The following COL3A1 variants were observed in gnomAD, a reference collection of about 807,000 sequenced individuals.
The protein encoded by COL3A1 is collagen alpha-1(III) chain.
A neutral mutation model predicts 200.9 loss-of-function variants in COL3A1; 46 were observed. The ratio of observed to expected loss-of-function variants is 0.23; its 90% CI spans 0.18 to 0.29. The LOEUF (loss-of-function observed/expected upper bound fraction) is 0.29. COL3A1 is among the 10% of genes least tolerant of loss of function. COL3A1 has a pLI of 1.00. For missense variants in COL3A1, 1,367 were observed against 1,917.6 expected (o/e 0.71, Z 5.36); for synonymous variants, 650 against 628.0 (o/e 1.03, Z -0.52).
intron 3 of COL3A1, 67 bp from the exon 4 acceptor site, chr2:188,985,598 C>A (rs1403359683): frequency 1.0e-5 from 10 of 1,004,274 alleles, no homozygotes; most frequent in African/African-American, 3.2e-5. Context: ...AGAGAAACAA[C>A]AATCTGATAA....
At chr2:188,980,280 C>T (rs577873721) in intron 1 of COL3A1, among the ~76,000 whole-genome samples, 2 of 150,974 alleles carry the variant, frequency 1.3e-5, no homozygotes, top group South Asian at 4.2e-4. Flanking sequence ...TTAAAATTTT[C>T]TAATTATCTA....
intron 48 of COL3A1, among the ~76,000 whole-genome samples, chr2:189,009,519 T>C (rs1688673260): frequency 6.6e-6 from 1 of 152,100 alleles, no homozygotes; most frequent in Non-Finnish European, 1.5e-5. Flanking sequence ...GGATTAAATA[T>C]ACATAATTTG....
At chr2:189,008,638 T>G (rs974942181) in intron 47 of COL3A1, 4 of 516,210 alleles carry the variant, frequency 7.7e-6, no homozygotes, top group African/African-American at 1.9e-5. Flanking sequence ...AGCTCACAGG[T>G]GTTTGCTTAC....
At chr2:188,989,543 A>G in intron 8 of COL3A1, 94 bp downstream of exon 8, 1 of 931,992 alleles carries the variant, frequency 1.1e-6, no homozygotes, top group South Asian at 1.5e-5. Context: ...AGAAGAAAAA[A>G]AAATGTTATT....
rs142042452 is a variant in COL3A1 at position 188,991,043 on chromosome 2, G to A, written c.838G>A (p.Ala280Thr). ...GRNGEKGETG[A>T]PGLKGENGLP... ...AAATGGAGAAAAGGGTGAAACAGGT[G>A]CTCCTGGATTAAAGGTAAATCACAA... The change falls in exon 11 of 51, where the codon GCT (alanine) becomes ACT (threonine). Residue 280 changes from alanine (A) to threonine (T), a missense_variant. Transcript: ENST00000304636. 31 of 1,613,026 alleles carry A rather than the reference G, an allele frequency of 1.9e-5. No individual in the cohort carries two copies. In the African/African-American group the frequency reaches 3.5e-4, roughly 18 times the overall value.
intron 1 of COL3A1, among the ~76,000 whole-genome samples, chr2:188,977,195 CTTAA>C (rs1687839371): frequency 1.3e-5 from 2 of 152,028 alleles, no homozygotes. Flanking sequence ...TTATTCACTG[CTTAA>C]TTGTTAGATA....
Position 189,007,956 on chromosome 2 carries a change from A to T in COL3A1, c.3417+18A>T. On this transcript the variant is annotated intron_variant, in intron 46 of 50. Transcript: ENST00000304636. ...GCCCCAGAGTAAGTAGCACAGAAAG[A>T]TATTACAGGTCCACATGTTTCAGAT... The T allele has an allele frequency of 6.2e-7, 1 of 1,614,140 alleles. No homozygotes were observed. The highest frequency in any genetic ancestry group is 1.1e-5 in the South Asian group (1 of 91,078).
At chr2:188,995,569 T>C in intron 21 of COL3A1, 123 bp from the exon 22 acceptor site, 2 of 685,944 alleles carry the variant, frequency 2.9e-6, no homozygotes, top group South Asian at 3.8e-5. Flanking sequence ...TATAAATGTT[T>C]CAGCAACACA....
At chr2:188,979,546 G>A (rs1350510757) in intron 1 of COL3A1, among the ~76,000 whole-genome samples, 1 of 151,826 alleles carries the variant, frequency 6.6e-6, no homozygotes, top group Non-Finnish European at 1.5e-5. Context: ...TGGTCTGGAT[G>A]TCATCAGGGT....
intron 11 of COL3A1, 50 bp downstream of exon 11, chr2:188,991,107 A>G: frequency 6.4e-7 from 1 of 1,554,042 alleles, no homozygotes; most frequent in Non-Finnish European, 8.9e-7. Flanking sequence ...ATTAAATATT[A>G]AAGCTACATA....
chr2:188,992,828 G>C, intron 14 of COL3A1, 59 bp from the exon 15 acceptor site: 1 of 1,328,918 alleles, frequency 7.5e-7, no homozygotes, highest in Non-Finnish European at 1.1e-6. Context: ...TTATTTACTA[G>C]TATGTCAGCT....
In COL3A1 at chr2:189,004,243, A is replaced by G. The variant is rs1688536360; in HGVS notation, c.2824-14A>G. The G allele has an allele frequency of 1.9e-6, 3 of 1,599,782 alleles. No individual in the cohort carries two copies. Among genetic ancestry groups the G allele is most frequent in the Non-Finnish European group, 2.6e-6 (3 of 1,172,790 alleles). On this transcript the variant is annotated splice_polypyrimidine_tract_variant and intron_variant, in intron 39 of 50. Coordinates refer to ENST00000304636, the MANE Select transcript of COL3A1 (RefSeq NM_000090.4). ...TCACATAAAGATGAGCTAAGTCTTC[A>G]TTATCTGTATTAGGGAGCTCCAGGC...
chr2:188,996,305 TACACACACAC>T (rs141685938), intron 23 of COL3A1, 83 bp from the exon 24 acceptor site: 4 of 634,202 alleles, frequency 6.3e-6, no homozygotes, highest in African/African-American at 4.0e-5. Flanking sequence ...TCTATATATA[TACACACACAC>T]ACACACACAC....
At chr2:189,008,900 T>C in intron 47 of COL3A1, 24 bp from the exon 48 acceptor site, 1 of 1,611,942 alleles carries the variant, frequency 6.2e-7, no homozygotes, top group South Asian at 1.1e-5. Context: ...CATACCTCAA[T>C]GATCCATGTT....
At chr2:189,002,898 A>T in intron 35 of COL3A1, 57 bp from the exon 36 acceptor site, 1 of 1,231,752 alleles carries the variant, frequency 8.1e-7, no homozygotes, top group South Asian at 1.3e-5. Context: ...AATAATAATA[A>T]GCCAATTGTA....
intron 27 of COL3A1, among the ~76,000 whole-genome samples, chr2:188,998,003 T>C (rs1206136871): frequency 6.6e-6 from 1 of 152,188 alleles, no homozygotes; most frequent in African/African-American, 2.4e-5. Context: ...ATAACATAAA[T>C]CCATATAGCC....
chr2:189,005,231 A>T (rs1688559486), intron 40 of COL3A1, 119 bp from the exon 41 acceptor site: 1 of 965,516 alleles, frequency 1.0e-6, no homozygotes, highest in Non-Finnish European at 1.6e-6. Context: ...TTTTAATTTT[A>T]AAATTCAATG....
chr2:189,000,246 T>C (rs1053470164), intron 32 of COL3A1, among the ~76,000 whole-genome samples: 3 of 152,206 alleles, frequency 2.0e-5, no homozygotes, highest in Non-Finnish European at 1.5e-5. Context: ...TCCTCATTAA[T>C]AGACTTAATA....
At position 189,010,223 on chromosome 2, in the gene COL3A1, T is replaced by C. The variant is rs1688690716; in HGVS notation, c.3869T>C (p.Ile1290Thr). The C allele has an allele frequency of 1.9e-6, 3 of 1,614,182 alleles. No homozygotes were observed. The highest frequency in any genetic ancestry group is 2.5e-6 in the Non-Finnish European group (3 of 1,180,016). ...AACCAAGGATGCAAATTGGATGCTA[T>C]CAAGGTATTCTGTAATATGGAAACT... ...DPNQGCKLDA[I>T]KVFCNMETGE... The change falls in exon 49 of 51, where the codon ATC (isoleucine) becomes ACC (threonine). Residue 1290 changes from isoleucine to threonine, a missense_variant. Ile to Thr is a moderately conservative substitution (Grantham distance 89). Coordinates refer to ENST00000304636, the MANE Select transcript of COL3A1 (RefSeq NM_000090.4).
Sources: gnomAD v4.1 joint callset for allele counts (sites outside exome capture counted in the v4.1 genomes callset) on GRCh38, gnomAD v4.1.1 for gene constraint, MANE v1.5 for transcripts, NCBI Gene and HGNC (gene_info 2026-07-23, HGNC 2026-07-21) for gene names.